KCNH1: variants seen among roughly 807,000 people sequenced by gnomAD.
KCNH1 encodes the protein potassium voltage-gated channel subfamily H member 1, also known as voltage-gated delayed rectifier potassium channel KCNH1.
In KCNH1, 27 loss-of-function variants were observed where a neutral mutation model predicts 69.2. The observed-to-expected ratio is 0.39, with a 90% CI of 0.29 to 0.54. KCNH1 has a LOEUF of 0.54. KCNH1 is among the 20% of genes least tolerant of loss of function. The pLI is 0.68. For missense variants in KCNH1, 798 were observed against 1,261.6 expected, an observed-to-expected ratio of 0.63 and a Z score of 5.57; for synonymous variants, 456 against 487.7, an observed-to-expected ratio of 0.93 and a Z score of 0.86.
At chr1:210,776,550 T>C (rs1246930919) in intron 9 of KCNH1, among the ~76,000 whole-genome samples, 1 of 152,152 alleles carries the variant, frequency 6.6e-6, no homozygotes, top group East Asian at 1.9e-4. Flanking sequence ...AAGGGACTCC[T>C]AAGAGCTCTC....
At chr1:210,700,102 C>T (rs1376645950) in intron 10 of KCNH1, among the ~76,000 whole-genome samples, 2 of 152,166 alleles carry the variant, frequency 1.3e-5, no homozygotes, top group African/African-American at 4.8e-5. Flanking sequence ...AAGGGACAAA[C>T]CACCATGCAA....
intron 10 of KCNH1, among the ~76,000 whole-genome samples, chr1:210,692,145 T>A (rs1207366602): frequency 6.6e-6 from 1 of 152,232 alleles, no homozygotes; most frequent in Admixed American, 6.5e-5. Context: ...ATGACTTGTC[T>A]GACCCATCAG....
At chr1:211,123,093 G>A (rs558487387) in intron 1 of KCNH1, among the ~76,000 whole-genome samples, 2 of 152,314 alleles carry the variant, frequency 1.3e-5, no homozygotes, top group African/African-American at 4.8e-5. Context: ...CATGGCAGGA[G>A]TGTAGGGGAC....
intron 1 of KCNH1, among the ~76,000 whole-genome samples, chr1:211,117,004 A>G (rs1314327712): frequency 6.6e-6 from 1 of 152,262 alleles, no homozygotes; most frequent in Non-Finnish European, 1.5e-5. Flanking sequence ...CACATTAATA[A>G]GAATCAAACC....
intron 9 of KCNH1, among the ~76,000 whole-genome samples, chr1:210,787,160 C>CTT (rs56068839): frequency 2.9e-4 from 42 of 147,264 alleles, no homozygotes; most frequent in African/African-American, 7.9e-4. Flanking sequence ...TTTGGAACTA[C>CTT]TTTTTTTTTT....
At chr1:211,073,380 T>C (rs1462822128) in intron 5 of KCNH1, among the ~76,000 whole-genome samples, 1 of 152,214 alleles carries the variant, frequency 6.6e-6, no homozygotes, top group African/African-American at 2.4e-5. Flanking sequence ...CTGGATATAA[T>C]GAACATGTAG....
chr1:210,976,825 T>C (rs1688621694), intron 6 of KCNH1, among the ~76,000 whole-genome samples: 1 of 148,816 alleles, frequency 6.7e-6, no homozygotes, highest in Admixed American at 6.7e-5. Flanking sequence ...GGAGAGGATG[T>C]GGAGAAATAG....
chr1:210,734,692 C>G (rs1003481398), intron 10 of KCNH1, among the ~76,000 whole-genome samples: 1 of 152,024 alleles, frequency 6.6e-6, no homozygotes, highest in Non-Finnish European at 1.5e-5. Context: ...TGCCACCCCC[C>G]TTGGCAGCAG....
chr1:210,730,375 G>T (rs1343434992), intron 10 of KCNH1, among the ~76,000 whole-genome samples: 1 of 152,096 alleles, frequency 6.6e-6, no homozygotes, highest in Non-Finnish European at 1.5e-5. Context: ...ATCTATGTCA[G>T]AAAGAGCTCT....
intron 6 of KCNH1, among the ~76,000 whole-genome samples, chr1:210,952,078 C>T (rs1179490337): frequency 6.6e-6 from 1 of 152,174 alleles, no homozygotes; most frequent in East Asian, 1.9e-4. Flanking sequence ...CCCAGACAAG[C>T]TGCCTAGCAC....
In KCNH1 at chr1:210,946,400, A is replaced by C. The variant is rs1335677183; in HGVS notation, c.1033-26331T>G. Among the ~76,000 whole-genome samples the C allele has an allele frequency of 3.9e-5, 6 of 152,166 alleles. No homozygotes were observed. In the East Asian group the frequency reaches 1.2e-3, roughly 29 times the overall value. ...AGCCTGGAGGCAAAAACCACATTTC[A>C]GAATCAGAAATCCTTTCCCATTTGC... On this transcript the variant is annotated intron_variant, in intron 6 of 10. Transcript: ENST00000271751.
chr1:210,824,467 T>A (rs563822893), intron 7 of KCNH1, among the ~76,000 whole-genome samples: 5 of 152,264 alleles, frequency 3.3e-5, no homozygotes, highest in African/African-American at 1.2e-4. Context: ...GAAATAATGA[T>A]ACTGTCCAAA....
At chr1:210,792,540 A>G (rs987417627) in intron 9 of KCNH1, among the ~76,000 whole-genome samples, 2 of 152,134 alleles carry the variant, frequency 1.3e-5, no homozygotes, top group East Asian at 3.8e-4. Context: ...ATAGAAACAG[A>G]GGAGGCCTTT....
At chr1:210,691,007 T>C (rs1005820622) in intron 10 of KCNH1, among the ~76,000 whole-genome samples, 1 of 152,202 alleles carries the variant, frequency 6.6e-6, no homozygotes, top group African/African-American at 2.4e-5. Context: ...CGGACTTGGA[T>C]CGTGTTCCCC....
intron 1 of KCNH1, among the ~76,000 whole-genome samples, chr1:211,111,533 G>T (rs1320970075): frequency 2.7e-5 from 4 of 149,346 alleles, no homozygotes; most frequent in Non-Finnish European, 5.9e-5. Context: ...TAAGTGAGGA[G>T]CACCTCTGCC....
At chr1:210,848,797 T>C (rs1236261344) in intron 7 of KCNH1, among the ~76,000 whole-genome samples, 1 of 152,216 alleles carries the variant, frequency 6.6e-6, no homozygotes, top group Non-Finnish European at 1.5e-5. Context: ...TGGGCCCCCA[T>C]TTCAATTTTT....
chr1:210,861,389 A>G (rs1383973742), intron 7 of KCNH1: 8 of 778,212 alleles, frequency 1.0e-5, no homozygotes, highest in Non-Finnish European at 1.9e-5. Context: ...GACACCAACA[A>G]CAAATTCCTT....
chr1:210,722,397 T>C (rs748908851), intron 10 of KCNH1, among the ~76,000 whole-genome samples: 2 of 151,658 alleles, frequency 1.3e-5, no homozygotes, highest in Non-Finnish European at 2.9e-5. Flanking sequence ...AGAGAGACTA[T>C]GGCTTTTAAA....
rs534325544 is a variant in KCNH1 at position 210,783,372 on chromosome 1, G to A, written c.1916-7828C>T. On this transcript the variant is annotated intron_variant, in intron 9 of 10. Coordinates refer to ENST00000271751, the MANE Select transcript of KCNH1 (RefSeq NM_172362.3). ...CTGGAGACAAGATTTTGACCTTACCGAGTGATGGCTTAGGTAGGTTTCCAG... is the reference window on the plus strand; with the variant it reads ...CTGGAGACAAGATTTTGACCTTACCAAGTGATGGCTTAGGTAGGTTTCCAG... Among the ~76,000 whole-genome samples, 32 of 152,296 alleles carry A rather than the reference G, an allele frequency of 2.1e-4. No individual in the cohort carries two copies. The South Asian group carries it at 3.7e-3, about 18-fold the overall frequency.
Sources: allele counts gnomAD v4.1 joint callset (sites outside exome capture counted in the v4.1 genomes callset), GRCh38; gene constraint gnomAD v4.1.1; transcripts MANE v1.5; gene names NCBI Gene and HGNC (gene_info 2026-07-23, HGNC 2026-07-21).